The following KIF6 variants were observed in gnomAD, a reference collection of about 807,000 sequenced individuals.
KIF6 encodes the protein kinesin-like protein KIF6.
KIF6 carries 106 observed loss-of-function variants against 112.7 expected under a neutral mutation model. The observed-to-expected ratio is 0.94, with a 90% confidence interval of 0.80 to 1.11. KIF6 has a LOEUF of 1.11. KIF6 is among the 50% of genes least tolerant of loss of function. KIF6 has a pLI of 0.00. For synonymous variants in KIF6, 339 were observed against 339.9 expected (o/e 1.00, Z 0.03); for missense variants, 929 against 964.0 (o/e 0.96, Z 0.48).
At chr6:39,681,072 T>C (rs1047326690) in intron 3 of KIF6, among the ~76,000 whole-genome samples, 1 of 151,994 alleles carries the variant, frequency 6.6e-6, no homozygotes, top group African/African-American at 2.4e-5. Flanking sequence ...AGTAATTCAA[T>C]GCTGAGAAGT....
chr6:39,343,698 G>A lies in KIF6; in HGVS notation c.2428+11C>T. ...CTGCCCAGGAGGAGCCACCGAGGGA[G>A]GTGCACTTACATTGCTTCTGCAGAA... On this transcript the variant is annotated intron_variant, in intron 22 of 22. Coordinates refer to ENST00000287152, the MANE Select transcript of KIF6 (RefSeq NM_145027.6). The surrounding 1 kb of genome is among the most constrained non-coding windows in gnomAD (Gnocchi z 4.1). 16 of 1,589,218 alleles carry A rather than the reference G, an allele frequency of 1.0e-5. No individual in the cohort carries two copies. The highest frequency in any genetic ancestry group is 1.4e-5 in the Non-Finnish European group (16 of 1,164,460).
chr6:39,451,076 T>C (rs1331759471), intron 13 of KIF6, among the ~76,000 whole-genome samples: 1 of 152,194 alleles, frequency 6.6e-6, no homozygotes, highest in African/African-American at 2.4e-5. Flanking sequence ...ATATACACTA[T>C]GCAAATAATG....
chr6:39,500,016 T>C (rs978555007), intron 13 of KIF6, among the ~76,000 whole-genome samples: 2 of 151,990 alleles, frequency 1.3e-5, no homozygotes, highest in African/African-American at 4.8e-5. Context: ...GTGGAGATGA[T>C]GTGTAGAGGT....
chr6:39,442,840 G>T (rs898752138), intron 13 of KIF6, among the ~76,000 whole-genome samples: 1 of 151,946 alleles, frequency 6.6e-6, no homozygotes, highest in Non-Finnish European at 1.5e-5. Context: ...TCGGCTGGGC[G>T]CGATGGCTCA....
Position 39,500,000 on chromosome 6 carries a change from G to A in KIF6, c.1645+40003C>T, listed in dbSNP as rs544969061. Among the ~76,000 whole-genome samples the A allele has an allele frequency of 2.6e-5, 4 of 152,288 alleles. No homozygotes were observed. The East Asian group carries it at 5.8e-4, about 22-fold the overall frequency. On this transcript the variant is annotated intron_variant, in intron 13 of 22. Transcript: ENST00000287152. ...CTGGTGAGGTCCTGACCCCACCCAG[G>A]GAGTGGTGGAGATGATGTGTAGAGG...
At chr6:39,533,398 C>T (rs1208001402) in intron 13 of KIF6, among the ~76,000 whole-genome samples, 1 of 152,200 alleles carries the variant, frequency 6.6e-6, no homozygotes. Context: ...CCCACAGAGT[C>T]TCGCTGATTG....
chr6:39,644,441 A>C (rs1057285181), intron 3 of KIF6, among the ~76,000 whole-genome samples: 1 of 152,182 alleles, frequency 6.6e-6, no homozygotes, highest in Admixed American at 6.5e-5. Context: ...TGAGTGGATA[A>C]ACAAGATGTA....
intron 19 of KIF6, among the ~76,000 whole-genome samples, chr6:39,351,392 G>C (rs760537030): frequency 2.6e-5 from 4 of 151,076 alleles, no homozygotes; most frequent in Non-Finnish European, 5.9e-5. Context: ...CACCACGCCC[G>C]GCTATGGATT....
chr6:39,540,010 C>G lies in KIF6; in HGVS notation c.1638G>C (p.Lys546Asn). 6.3e-7 allele frequency: 1 copy of G among 1,599,514 alleles called. No homozygotes were observed. The highest frequency in any genetic ancestry group is 8.5e-7 in the Non-Finnish European group (1 of 1,174,494). ...GAAATTTAGTCAACTGACCTATTTT[C>G]TTGTGGAGCAAACTGGATCTTTTCC... ...ILGKRSSLLH[K>N]KIGMREEMSL... is the part of the protein sequence containing the mutation. The change falls in exon 13 of 23, where the codon AAG becomes AAC. Residue 546 changes from lysine to asparagine, a missense_variant. Physicochemically the swap from Lys to Asn is moderately conservative, Grantham distance 94. Transcript: ENST00000287152.
intron 16 of KIF6, among the ~76,000 whole-genome samples, chr6:39,381,579 G>C (rs1458504628): frequency 6.6e-6 from 1 of 152,150 alleles, no homozygotes; most frequent in African/African-American, 2.4e-5. Flanking sequence ...CGAGAGTTAA[G>C]GTTCTATAAG....
Position 39,334,335 on chromosome 6 carries a change from C to T in KIF6, c.*2197G>A, listed in dbSNP as rs1238091911. On this transcript the variant is annotated 3_prime_UTR_variant, in exon 23 of 23. Coordinates refer to ENST00000287152, the MANE Select transcript of KIF6 (RefSeq NM_145027.6). ...GTGGCTCATGCCTGCAATCCCAGCA[C>T]TTTGGGAGGCCAAGGCGGGAGCATC... 1 of 152,330 alleles carries T rather than the reference C, an allele frequency of 6.6e-6. No individual in the cohort carries two copies. Among genetic ancestry groups the T allele is most frequent in the Non-Finnish European group, 1.5e-5 (1 of 68,116 alleles). The allele number at this position is 152,330 out of a possible 1,614,324, so 9.4% of individuals were successfully genotyped here.
rs769061232 is a variant in KIF6, at chr6:39,360,560, A to T, written c.1947-30T>A. The T allele has an allele frequency of 1.9e-5, 30 of 1,613,716 alleles. 1 individual carries two copies. The South Asian group carries it at 3.2e-4, about 17-fold the overall frequency. ...GGTGGAATCGGGGAAGAGTCAGGGCACTGCTGTCTTGAAAGCACGGCATGG... is the reference window on the plus strand; with the variant it reads ...GGTGGAATCGGGGAAGAGTCAGGGCTCTGCTGTCTTGAAAGCACGGCATGG... On this transcript the variant is annotated intron_variant, in intron 17 of 22. Coordinates refer to ENST00000287152, the MANE Select transcript of KIF6 (RefSeq NM_145027.6).
intron 10 of KIF6, among the ~76,000 whole-genome samples, chr6:39,572,977 G>A (rs1318093436): frequency 6.7e-6 from 1 of 149,748 alleles, no homozygotes; most frequent in African/African-American, 2.5e-5. Flanking sequence ...GTCATTAACA[G>A]ACATCTTCAA....
chr6:39,486,305 G>A (rs1402456307), intron 13 of KIF6, among the ~76,000 whole-genome samples: 1 of 152,180 alleles, frequency 6.6e-6, no homozygotes, highest in Non-Finnish European at 1.5e-5. Context: ...AAGTGGAGAA[G>A]CCCTGAGACT....
At chr6:39,500,494 C>A (rs538394447) in intron 13 of KIF6, among the ~76,000 whole-genome samples, 1 of 152,052 alleles carries the variant, frequency 6.6e-6, no homozygotes, top group South Asian at 2.1e-4. Context: ...AAATATAATG[C>A]GTGAAATTGG....
chr6:39,399,876 G>T (rs1014129338), intron 15 of KIF6, among the ~76,000 whole-genome samples: 1 of 152,198 alleles, frequency 6.6e-6, no homozygotes, highest in Non-Finnish European at 1.5e-5. Context: ...CCATCGCCAG[G>T]GCCACAGGGT....
chr6:39,353,896 A>G (rs1428067575), intron 19 of KIF6: 8 of 562,502 alleles, frequency 1.4e-5, no homozygotes, highest in Non-Finnish European at 2.3e-5. Flanking sequence ...TCCTACTGCT[A>G]AGTGGAGCTA....
At chr6:39,534,882 GC>G (rs1468515322) in intron 13 of KIF6, among the ~76,000 whole-genome samples, 2 of 152,206 alleles carry the variant, frequency 1.3e-5, no homozygotes, top group South Asian at 2.1e-4. Flanking sequence ...AATTCTACAA[GC>G]CAGAAGAGAG....
chr6:39,454,667 C>T (rs937072989), intron 13 of KIF6, among the ~76,000 whole-genome samples: 4 of 152,136 alleles, frequency 2.6e-5, no homozygotes, highest in Admixed American at 6.5e-5. Context: ...GTGCGCACAC[C>T]GTGCGCGAGC....
Sources: gnomAD v4.1 joint callset for allele counts (sites outside exome capture counted in the v4.1 genomes callset) on GRCh38, gnomAD v4.1.1 for gene constraint, Gnocchi (gnomAD v3.1) non-coding constraint, MANE v1.5 for transcripts, NCBI Gene and HGNC (gene_info 2026-07-23, HGNC 2026-07-21) for gene names.